Variants in PCCA observed in about 807,000 individuals in gnomAD.
The protein encoded by PCCA is propionyl-CoA carboxylase alpha chain, mitochondrial.
In PCCA, 74 loss-of-function variants were observed where a neutral mutation model predicts 101.3. The ratio of observed to expected loss-of-function variants is 0.73; its 90% confidence interval spans 0.61 to 0.89. The LOEUF (loss-of-function observed/expected upper bound fraction) is 0.89, where lower values mean the gene tolerates loss of function less well. Among genes scored for constraint, PCCA ranks in the 40% least tolerant of loss-of-function variants. PCCA has a pLI of 0.00. For synonymous variants in PCCA, 294 were observed against 313.6 expected (o/e 0.94, Z 0.66); for missense variants, 891 against 907.0 (o/e 0.98, Z 0.23).
intron 21 of PCCA, among the ~76,000 whole-genome samples, chr13:100,514,805 C>T (rs542580550): frequency 1.2e-4 from 19 of 152,294 alleles, no homozygotes; most frequent in Non-Finnish European, 2.8e-4. Context: ...GCATCTTTTC[C>T]TAACCATCTT....
At chr13:100,350,682 G>A (rs1359341242) in intron 18 of PCCA, among the ~76,000 whole-genome samples, 4 of 152,182 alleles carry the variant, frequency 2.6e-5, no homozygotes, top group Non-Finnish European at 5.9e-5. Flanking sequence ...CTGAGGGAAA[G>A]GCAGAATAGC....
At chr13:100,345,654 C>T (rs1219417379) in intron 18 of PCCA, among the ~76,000 whole-genome samples, 1 of 152,182 alleles carries the variant, frequency 6.6e-6, no homozygotes, top group African/African-American at 2.4e-5. Flanking sequence ...CTACACTGAA[C>T]AGCAGATTTT....
At chr13:100,300,906 A>T in intron 12 of PCCA, among the ~76,000 whole-genome samples, 1 of 152,256 alleles carries the variant, frequency 6.6e-6, no homozygotes. Flanking sequence ...GCATTACCCA[A>T]GTCAGTGTGG....
intron 2 of PCCA, among the ~76,000 whole-genome samples, chr13:100,105,657 C>CAAAAAAAAAAA (rs34277733): frequency 2.6e-5 from 2 of 75,862 alleles, no homozygotes; most frequent in Non-Finnish European, 4.9e-5. Context: ...CTGTCTCTAC[C>CAAAAAAAAAAA]AAAAAAAAAA....
At chr13:100,362,294 T>A (rs552589086) in intron 18 of PCCA, among the ~76,000 whole-genome samples, 10 of 151,306 alleles carry the variant, frequency 6.6e-5, no homozygotes, top group African/African-American at 2.4e-4. Flanking sequence ...GAGTAAAATT[T>A]AAAAAAAAAT....
intron 20 of PCCA, among the ~76,000 whole-genome samples, chr13:100,438,155 T>C (rs2080082942): frequency 6.6e-6 from 1 of 152,026 alleles, no homozygotes; most frequent in African/African-American, 2.4e-5. Flanking sequence ...AATTTATTTT[T>C]TATTTTACTT....
intron 12 of PCCA, among the ~76,000 whole-genome samples, chr13:100,290,792 C>T (rs543909845): frequency 1.3e-5 from 2 of 152,124 alleles, no homozygotes; most frequent in Non-Finnish European, 2.9e-5. Context: ...TGCTGTGTCT[C>T]TTGACATTAT....
chr13:100,466,698 AAAT>A (rs1471300410), intron 21 of PCCA, among the ~76,000 whole-genome samples: 1 of 152,110 alleles, frequency 6.6e-6, no homozygotes, highest in East Asian at 1.9e-4. Flanking sequence ...TCTCTACTAA[AAAT>A]ACAAAAATTA....
chr13:100,137,120 G>A (rs2051279562), intron 4 of PCCA, among the ~76,000 whole-genome samples: 1 of 151,742 alleles, frequency 6.6e-6, no homozygotes, highest in East Asian at 1.9e-4. Context: ...TTGCACATAG[G>A]TTATTTAAAA....
At chr13:100,466,187 C>T (rs1467239924) in intron 21 of PCCA, 3 of 152,234 alleles carry the variant, frequency 2.0e-5, no homozygotes, top group African/African-American at 7.2e-5. Context: ...TTTGTAAAAG[C>T]CCCGTAATCC....
At chr13:100,359,020 C>T (rs2074256241) in intron 18 of PCCA, among the ~76,000 whole-genome samples, 1 of 143,582 alleles carries the variant, frequency 7.0e-6, no homozygotes, top group African/African-American at 2.6e-5. Flanking sequence ...TCACTTGAAC[C>T]TGGGAGCTGG....
At chr13:100,279,753 C>T (rs1339282325) in intron 12 of PCCA, among the ~76,000 whole-genome samples, 1 of 152,164 alleles carries the variant, frequency 6.6e-6, no homozygotes, top group Non-Finnish European at 1.5e-5. Flanking sequence ...GGATTACAGG[C>T]ATGAGCCACC....
chr13:100,203,069 G>T (rs182261627), intron 6 of PCCA, among the ~76,000 whole-genome samples: 2 of 151,770 alleles, frequency 1.3e-5, no homozygotes, highest in African/African-American at 4.8e-5. Flanking sequence ...TCAGGAGTTC[G>T]ATACCAGCTT....
intron 18 of PCCA, among the ~76,000 whole-genome samples, chr13:100,360,156 T>C (rs1419908864): frequency 6.6e-6 from 1 of 151,614 alleles, no homozygotes; most frequent in Non-Finnish European, 1.5e-5. Context: ...AAAAGAGTTT[T>C]GTGCAGGGAA....
At chr13:100,524,373 TC>T (rs2087552735) in intron 22 of PCCA, among the ~76,000 whole-genome samples, 2 of 32,272 alleles carry the variant, frequency 6.2e-5, no homozygotes, top group South Asian at 2.5e-3. Context: ...TCAATTAAGC[TC>T]GTGTGTGTGT....
At chr13:100,203,487 C>T (rs958646227) in intron 6 of PCCA, among the ~76,000 whole-genome samples, 1 of 151,864 alleles carries the variant, frequency 6.6e-6, no homozygotes, top group African/African-American at 2.4e-5. Context: ...GTCAGGATTT[C>T]GAGACCAGCT....
At chr13:100,317,256 C>T (rs1288707595) in intron 16 of PCCA, among the ~76,000 whole-genome samples, 1 of 152,040 alleles carries the variant, frequency 6.6e-6, no homozygotes, top group Non-Finnish European at 1.5e-5. Flanking sequence ...CTTATTTTTT[C>T]CAGAACTTTA....
chr13:100,150,439 C>A lies in PCCA; in HGVS notation c.301-4540C>A, dbSNP rs916694097. 9 of 545,020 alleles carry A rather than the reference C, an allele frequency of 1.7e-5. No individual in the cohort carries two copies. In the South Asian group the frequency reaches 4.5e-4, roughly 27 times the overall value. The allele number at this position is 545,020 out of a possible 1,614,324, so 33.8% of individuals were successfully genotyped here. On this transcript the variant is annotated intron_variant, in intron 4 of 23. Transcript: ENST00000376285. ...TATATGTTTATTTATATTATTATTT[C>A]AAATTGTTTATTAGGTATGAATTTT...
intron 6 of PCCA, among the ~76,000 whole-genome samples, chr13:100,200,294 T>C (rs548914930): frequency 2.3e-4 from 35 of 152,196 alleles, no homozygotes; most frequent in Admixed American, 3.9e-4. Flanking sequence ...TTAGTATAGA[T>C]GGGGTTTCAC....
Sources: gnomAD v4.1 joint callset for allele counts (sites outside exome capture counted in the v4.1 genomes callset) on GRCh38, gnomAD v4.1.1 for gene constraint, MANE v1.5 for transcripts, NCBI Gene and HGNC (gene_info 2026-07-23, HGNC 2026-07-21) for gene names.